Variants in ZFX observed in about 807,000 individuals in gnomAD.
ZFX encodes zinc finger X-chromosomal protein.
For missense variants in ZFX, 362 were observed against 628.3 expected, an observed-to-expected ratio of 0.58 and a Z score of 4.53; for synonymous variants, 196 against 226.8, an observed-to-expected ratio of 0.86 and a Z score of 1.22.
At position 24,151,735 on chromosome X, in the gene ZFX, A is replaced by C. The variant is rs1932169707; in HGVS notation, c.-205A>C. Reference sequence around the variant, plus strand: ...AGGCTGGTCTCGAACTCCTGGGCTCAAGCCGTTCTCCCGCCTCCCACTGCC... The same window carrying C: ...AGGCTGGTCTCGAACTCCTGGGCTCCAGCCGTTCTCCCGCCTCCCACTGCC... On this transcript the variant is annotated 5_prime_UTR_variant, in exon 2 of 10. Transcript: ENST00000304543. 9.0e-6 allele frequency: 1 copy of C among 111,501 alleles called. No homozygotes were observed. Among genetic ancestry groups the C allele is most frequent in the Admixed American group, 9.5e-5 (1 of 10,536 alleles). 9.2% of individuals were successfully genotyped at this position (111,501 alleles called of 1,213,427 possible).
chrX:24,183,388 G>C (rs1056944381), intron 5 of ZFX, among the ~76,000 whole-genome samples: 2 of 111,523 alleles, frequency 1.8e-5, no homozygotes, highest in Non-Finnish European at 3.8e-5. Flanking sequence ...GTTTCACCAT[G>C]TTGCCTAGGC....
chrX:24,206,481 C>T (rs183736233), intron 5 of ZFX, among the ~76,000 whole-genome samples: 6,626 of 103,842 alleles, frequency 0.064, 604 homozygotes, highest in African/African-American at 0.22. Context: ...GGACTACAGG[C>T]GCATGCCACC....
chrX:24,154,245 T>G (rs1186598481), intron 3 of ZFX, among the ~76,000 whole-genome samples: 1 of 111,960 alleles, frequency 8.9e-6, no homozygotes, highest in Non-Finnish European at 1.9e-5. Flanking sequence ...ACATATTTGA[T>G]TCATATCTTT....
chrX:24,154,953 C>T (rs748495755), intron 3 of ZFX, among the ~76,000 whole-genome samples: 11 of 110,111 alleles, frequency 1.0e-4, no homozygotes, highest in South Asian at 3.9e-4. Context: ...AAGAAGGAAA[C>T]GAGACACTGG....
chrX:24,167,708 G>A (rs369959170), intron 3 of ZFX, among the ~76,000 whole-genome samples: 1 of 112,408 alleles, frequency 8.9e-6, no homozygotes, highest in South Asian at 3.6e-4. Context: ...GATTCTCTGA[G>A]AGTGTAGTAG....
intron 3 of ZFX, among the ~76,000 whole-genome samples, chrX:24,171,011 C>T (rs1934549390): frequency 9.0e-6 from 1 of 111,526 alleles, no homozygotes; most frequent in Admixed American, 9.5e-5. Flanking sequence ...TTGAGAATTC[C>T]TTTTATGAAT....
chrX:24,206,258 AATAG>A (rs1226930113), intron 5 of ZFX, among the ~76,000 whole-genome samples: 17 of 112,392 alleles, frequency 1.5e-4, no homozygotes, highest in Non-Finnish European at 2.1e-4. Flanking sequence ...TTCTATTGCA[AATAG>A]ATCATATCAA....
At chrX:24,166,571 AGTT>A (rs1304284237) in intron 3 of ZFX, among the ~76,000 whole-genome samples, 2 of 111,971 alleles carry the variant, frequency 1.8e-5, no homozygotes, top group Non-Finnish European at 3.8e-5. Flanking sequence ...AAGTGTTGAT[AGTT>A]GTTGTAACCT....
intron 3 of ZFX, among the ~76,000 whole-genome samples, chrX:24,159,813 A>G (rs994212050): frequency 9.0e-6 from 1 of 111,680 alleles, no homozygotes; most frequent in Non-Finnish European, 1.9e-5. Context: ...GTAAGAACCC[A>G]TCTGTGAGAT....
chrX:24,178,291 C>CT (rs749167997), intron 4 of ZFX, among the ~76,000 whole-genome samples: 1,470 of 86,880 alleles, frequency 0.017, 33 homozygotes, highest in African/African-American at 0.055. Flanking sequence ...CTTTTCTTTT[C>CT]TTTTTTTTTT....
At chrX:24,176,270 C>T (rs372490221) in intron 4 of ZFX, among the ~76,000 whole-genome samples, 1 of 108,508 alleles carries the variant, frequency 9.2e-6, no homozygotes, top group Admixed American at 9.9e-5. Flanking sequence ...AACTCCTGAC[C>T]TCAGGTGATT....
At chrX:24,208,395 A>G in intron 8 of ZFX, 25 bp downstream of exon 8, 2 of 1,198,712 alleles carry the variant, frequency 1.7e-6, no homozygotes, top group Non-Finnish European at 2.2e-6. Context: ...AGCTCTTAGC[A>G]TTGAAGAAGT....
chrX:24,191,697 T>C (rs777550346), intron 5 of ZFX, among the ~76,000 whole-genome samples: 4 of 109,484 alleles, frequency 3.7e-5, no homozygotes, highest in Non-Finnish European at 7.6e-5. Flanking sequence ...GATATCTTCA[T>C]TGGATTTTTT....
intron 5 of ZFX, among the ~76,000 whole-genome samples, chrX:24,184,627 A>G (rs1314348099): frequency 9.0e-6 from 1 of 110,676 alleles, no homozygotes; most frequent in Non-Finnish European, 1.9e-5. Context: ...ATTTATAGTC[A>G]TCTTTAGGCC....
At position 24,192,391 on chromosome X, in the gene ZFX, G is replaced by C. The variant is rs764451056; in HGVS notation, c.646+12621G>C. Reference sequence around the variant, plus strand: ...ATTAGCCTGTTTAAAGATTTATCAGGTGTCTGGAAGGCTGGGATTTAGTGA... The same window carrying C: ...ATTAGCCTGTTTAAAGATTTATCAGCTGTCTGGAAGGCTGGGATTTAGTGA... On this transcript the variant is annotated intron_variant, in intron 5 of 9. Coordinates refer to ENST00000304543, the MANE Select transcript of ZFX (RefSeq NM_003410.4). 9.9e-4 allele frequency among the ~76,000 whole-genome samples: 111 copies of C among 111,672 alleles called. 1 individual carries two copies. Among genetic ancestry groups the C allele is most frequent in the Non-Finnish European group, 1.8e-3 (96 of 53,089 alleles).
intron 8 of ZFX, 114 bp downstream of exon 8, chrX:24,208,484 T>TTACAGGATACTG: frequency 1.1e-6 from 1 of 943,396 alleles, no homozygotes; most frequent in Non-Finnish European, 1.5e-6. Flanking sequence ...ACCAGTATCC[T>TTACAGGATACTG]GTAAGGATTA....
chrX:24,149,382 CGGCGGCAGCGGCGCGTGTGT>C (rs753659096), upstream of ZFX: 413 of 110,263 alleles, frequency 3.7e-3, 2 homozygotes, highest in Non-Finnish European at 6.3e-3. Flanking sequence ...GCCGAGGCGG[CGGCGGCAGCGGCGCGTGTGT>C]GGCGGCGGCG....
intron 5 of ZFX, among the ~76,000 whole-genome samples, chrX:24,184,393 A>T (rs1935939764): frequency 9.0e-6 from 1 of 111,519 alleles, no homozygotes; most frequent in Admixed American, 9.6e-5. Flanking sequence ...TTTTTTGCTA[A>T]GGAGTAAAAT....
At chrX:24,162,244 C>T (rs1933422684) in intron 3 of ZFX, among the ~76,000 whole-genome samples, 1 of 110,694 alleles carries the variant, frequency 9.0e-6, no homozygotes, top group South Asian at 3.8e-4. Flanking sequence ...ACAAAAAAAT[C>T]CCACACAGTA....
Sources: allele counts gnomAD v4.1 joint callset (sites outside exome capture counted in the v4.1 genomes callset), GRCh38; gene constraint gnomAD v4.1.1; transcripts MANE v1.5; gene names NCBI Gene and HGNC (gene_info 2026-07-23, HGNC 2026-07-21).